KIAA1671: variants seen among roughly 807,000 people sequenced by gnomAD.
KIAA1671 encodes the protein KIAA1671, also known as uncharacterized protein KIAA1671.
KIAA1671 carries 52 observed loss-of-function variants against 131.2 expected under a neutral mutation model. That is an observed-to-expected ratio of 0.40 (90% CI 0.32 to 0.50). KIAA1671 has a LOEUF of 0.50. Among genes scored for constraint, KIAA1671 ranks in the 20% least tolerant of loss-of-function variants. KIAA1671 has a pLI of 0.73. For missense variants in KIAA1671, 2,360 were observed against 2,364.2 expected, an observed-to-expected ratio of 1.00 and a Z score of 0.04; for synonymous variants, 1,003 against 961.6, an observed-to-expected ratio of 1.04 and a Z score of -0.80.
rs1930229174 is a variant in KIAA1671 at position 25,093,809 on chromosome 22, TC to T, written c.4530+44446del. ...CTCTCTCTCTCTCTCTCTCTCTCTC[TC>T]TGTCTCTCTCTCTTTCTCTCTCTGT... is the stretch of plus-strand genomic sequence containing the variant. On this transcript the variant is annotated intron_variant, in intron 6 of 12. Transcript: ENST00000358431. Among the ~76,000 whole-genome samples, 7 of 131,900 alleles carry T rather than the reference TC, an allele frequency of 5.3e-5. 1 individual carries two copies. Among genetic ancestry groups the T allele is most frequent in the African/African-American group, 1.7e-4 (6 of 34,924 alleles). 86.5% of individuals were successfully genotyped at this position (131,900 alleles called of 152,430 possible). A position where few individuals can be genotyped will look rare whatever the true frequency, so the allele number is the denominator to read the frequency against.
Position 25,042,634 on chromosome 22 carries a change from T to C in KIAA1671, c.4395+1109T>C, listed in dbSNP as rs1296546380. On this transcript the variant is annotated intron_variant, in intron 5 of 12. Transcript: ENST00000358431. ...GGAGCCCGCCATCATACCCGGCTAA[T>C]TTTTTGTATTTTTTTTTTTTAGTAG... is the stretch of plus-strand genomic sequence containing the variant. 4.5e-5 allele frequency among the ~76,000 whole-genome samples: 6 copies of C among 134,450 alleles called. No homozygotes were observed. The East Asian group carries it at 1.3e-3, about 28-fold the overall frequency. The allele number at this position is 134,450 out of a possible 152,430, so 88.2% of individuals were successfully genotyped here.
chr22:25,187,181 C>T (rs1934502721), intron 11 of KIAA1671, among the ~76,000 whole-genome samples: 1 of 152,226 alleles, frequency 6.6e-6, no homozygotes, highest in Non-Finnish European at 1.5e-5. Context: ...TCCAGGGCCA[C>T]GGGTCTCAGG....
At chr22:25,108,398 T>A (rs1029580663) in intron 6 of KIAA1671, among the ~76,000 whole-genome samples, 1 of 152,172 alleles carries the variant, frequency 6.6e-6, no homozygotes, top group Admixed American at 6.5e-5. Flanking sequence ...TGTTCCTGTT[T>A]CCACTCTGGA....
chr22:25,028,130 C>G lies in KIAA1671; in HGVS notation c.131C>G (p.Pro44Arg). 7 of 1,551,260 alleles carry G rather than the reference C, an allele frequency of 4.5e-6. No homozygotes were observed. Among genetic ancestry groups the G allele is most frequent in the Non-Finnish European group, 6.1e-6 (7 of 1,146,774 alleles). Reference sequence around the variant, plus strand: ...GCCGGCGAAGCCTCTGGGGCTCCCCCAGCCCGGATCTTGGAAGCGAAGAGC... The same window carrying G: ...GCCGGCGAAGCCTCTGGGGCTCCCCGAGCCCGGATCTTGGAAGCGAAGAGC... ...LQAGEASGAP[P>R]ARILEAKSPL... Residue 44 changes from proline (P) to arginine (R), a missense_variant, in exon 3 of 13, where the codon CCA becomes CGA. By Grantham distance (103) the Pro-to-Arg change is moderately radical. Transcript: ENST00000358431.
At chr22:25,103,426 T>G (rs1413876559) in intron 6 of KIAA1671, among the ~76,000 whole-genome samples, 1 of 152,080 alleles carries the variant, frequency 6.6e-6, no homozygotes, top group Non-Finnish European at 1.5e-5. Flanking sequence ...TCGTGTGATC[T>G]CAGCTCACTG....
chr22:25,007,916 C>T (rs771575577), intron 1 of KIAA1671, among the ~76,000 whole-genome samples: 4 of 152,054 alleles, frequency 2.6e-5, no homozygotes, highest in African/African-American at 7.2e-5. Flanking sequence ...TTGCTGTCGG[C>T]CAGGCACGGT....
At chr22:25,121,444 A>G (rs1243918519) in intron 6 of KIAA1671, among the ~76,000 whole-genome samples, 1 of 150,950 alleles carries the variant, frequency 6.6e-6, no homozygotes, top group African/African-American at 2.4e-5. Flanking sequence ...CCTGGGCGAC[A>G]GAGTGAGACT....
At chr22:25,144,916 A>G (rs1454220094) in intron 6 of KIAA1671, among the ~76,000 whole-genome samples, 1 of 152,230 alleles carries the variant, frequency 6.6e-6, no homozygotes, top group African/African-American at 2.4e-5. Context: ...GTTTCCATGC[A>G]AGAACAAAGA....
chr22:25,084,399 G>A (rs1272294264), intron 6 of KIAA1671, among the ~76,000 whole-genome samples: 1 of 150,122 alleles, frequency 6.7e-6, no homozygotes, highest in Non-Finnish European at 1.5e-5. Flanking sequence ...CGCTTGAATC[G>A]GGAGGTGGAG....
intron 6 of KIAA1671, among the ~76,000 whole-genome samples, chr22:25,069,521 C>T (rs1477644997): frequency 1.3e-5 from 2 of 152,184 alleles, no homozygotes; most frequent in South Asian, 4.1e-4. Context: ...GCTGGGTGTC[C>T]ACAGGAGTGG....
rs909256622 is a variant in KIAA1671 at position 25,041,251 on chromosome 22, G to T, written c.4121G>T (p.Gly1374Val). ...TCGCCCCCCACTGACCAGAAGAAAG[G>T]GACCCCAAGGAAATCCACCGGGCGG... ...PKSPPTDQKK[G>V]TPRKSTGRGE... is the part of the protein sequence containing the mutation. Residue 1374 changes from glycine to valine, a missense_variant, in exon 5 of 13, where the codon GGG (glycine) becomes GTG (valine). Around this residue, in one of 3 missense-constraint regions of KIAA1671, gnomAD observed 1,161 missense variants for 1,204.7 expected, o/e 0.96. Coordinates refer to ENST00000358431, the MANE Select transcript of KIAA1671 (RefSeq NM_001145206.2). The T allele has an allele frequency of 6.4e-7, 1 of 1,551,718 alleles. No homozygotes were observed. Among genetic ancestry groups the T allele is most frequent in the African/African-American group, 1.4e-5 (1 of 73,162 alleles).
intron 1 of KIAA1671, among the ~76,000 whole-genome samples, chr22:24,980,844 T>A (rs1464756042): frequency 2.6e-5 from 4 of 151,874 alleles, no homozygotes; most frequent in Non-Finnish European, 4.4e-5. Flanking sequence ...CCTCCGGAGT[T>A]CAAGTGATTC....
intron 6 of KIAA1671, among the ~76,000 whole-genome samples, chr22:25,103,706 A>G (rs1162046024): frequency 6.6e-6 from 1 of 151,880 alleles, no homozygotes; most frequent in African/African-American, 2.4e-5. Context: ...GTTAGCCAGG[A>G]TGGTCTCAAA....
At chr22:25,044,467 G>A (rs1420448226) in intron 5 of KIAA1671, among the ~76,000 whole-genome samples, 1 of 152,086 alleles carries the variant, frequency 6.6e-6, no homozygotes, top group Non-Finnish European at 1.5e-5. Flanking sequence ...GGGATCCTGG[G>A]CTCAGCTCTG....
chr22:25,035,099 C>T (rs1926517949), intron 4 of KIAA1671, among the ~76,000 whole-genome samples: 1 of 142,508 alleles, frequency 7.0e-6, no homozygotes, highest in Non-Finnish European at 1.5e-5. Flanking sequence ...TGGGATAGTA[C>T]AGTCACGTGA....
At chr22:24,962,663 T>A (rs902889222) in intron 1 of KIAA1671, among the ~76,000 whole-genome samples, 16 of 152,244 alleles carry the variant, frequency 1.1e-4, no homozygotes, top group Non-Finnish European at 1.0e-4. Flanking sequence ...TGAATTTACA[T>A]GAGCCTTAGC....
intron 6 of KIAA1671, among the ~76,000 whole-genome samples, chr22:25,133,196 C>T (rs1232055125): frequency 6.6e-6 from 1 of 152,170 alleles, no homozygotes; most frequent in African/African-American, 2.4e-5. Context: ...CCTTGGCACC[C>T]TGCTGTATTT....
intron 6 of KIAA1671, among the ~76,000 whole-genome samples, chr22:25,089,266 ATTTTTT>A (rs34941122): frequency 1.5e-4 from 13 of 89,272 alleles, no homozygotes; most frequent in South Asian, 7.5e-4. Context: ...TGTGTGTTTA[ATTTTTT>A]TTTTTTTTTT....
At chr22:25,185,237 T>A in intron 11 of KIAA1671, 118 bp downstream of exon 11, 1 of 1,091,618 alleles carries the variant, frequency 9.2e-7, no homozygotes, top group South Asian at 1.8e-5. Flanking sequence ...TTTAATTTTC[T>A]CTAGCAGCAG....
Sources: gnomAD v4.1 joint callset for allele counts (sites outside exome capture counted in the v4.1 genomes callset) on GRCh38, gnomAD v4.1.1 for gene constraint, gnomAD v4.1.1 regional missense constraint, MANE v1.5 for transcripts, NCBI Gene and HGNC (gene_info 2026-07-23, HGNC 2026-07-21) for gene names.